Variants in NKX2-2 observed in about 807,000 individuals in gnomAD.
NKX2-2 encodes NK2 homeobox 2.
Under a neutral mutation model 24.6 loss-of-function variants are expected in NKX2-2, and 8 were observed. The observed-to-expected ratio is 0.32, with a 90% CI of 0.19 to 0.59. NKX2-2 has a LOEUF of 0.59. NKX2-2 is among the 20% of genes least tolerant of loss of function. The pLI is 0.86. For missense variants in NKX2-2, 381 were observed against 373.9 expected (o/e 1.02, Z -0.16); for synonymous variants, 217 against 173.3 (o/e 1.25, Z -1.98).
rs1422842492 is a variant in NKX2-2 at position 21,512,360 on chromosome 20, G to T, written c.385C>A (p.Arg129=). The T allele has an allele frequency of 6.2e-6, 10 of 1,608,796 alleles. No homozygotes were observed. The Admixed American group carries it at 6.8e-5, about 11-fold the overall frequency. Reference sequence around the variant, plus strand: ...TTGGAGAAAAGCACTCGCCGCTTTCGCTTCTTGCCGGCGTCCCCCCCGCCG... The same window carrying T: ...TTGGAGAAAAGCACTCGCCGCTTTCTCTTCTTGCCGGCGTCCCCCCCGCCG... ...PGGGGDAGKK[R]KRRVLFSKAQ... Residue 129 remains arginine (R), a synonymous_variant, in exon 2 of 2, where the codon CGA becomes AGA. Transcript: ENST00000377142.
chr20:21,515,103 T>C (rs1485921290), upstream of NKX2-2, among the ~76,000 whole-genome samples: 3 of 152,106 alleles, frequency 2.0e-5, no homozygotes, highest in South Asian at 2.1e-4. Flanking sequence ...GGTCGGACCC[T>C]GGCCCTGCTG....
chr20:21,513,524 C>G lies in NKX2-2; in HGVS notation c.146G>C (p.Gly49Ala), dbSNP rs775533875. 1.9e-6 allele frequency: 3 copies of G among 1,613,132 alleles called. No individual in the cohort carries two copies. Residue 49 changes from glycine (G) to alanine (A), a missense_variant, in exon 1 of 2, where the codon GGG (glycine) becomes GCG (alanine). By Grantham distance (60) the Gly-to-Ala change is moderately conservative (BLOSUM62 0). Transcript: ENST00000377142. The surrounding 1 kb of genome is among the most constrained non-coding windows in gnomAD (Gnocchi z 4.6). ...PEPAKRAGPL[G>A]QGALDAVQSL... ...CTGCACCGCGTCCAGGGCGCCCTGCCCCAGCGGCCCGGCCCTCTTGGCTGG... is the reference window on the plus strand; with the variant it reads ...CTGCACCGCGTCCAGGGCGCCCTGCGCCAGCGGCCCGGCCCTCTTGGCTGG...
At chr20:21,512,753 G>A (rs1206019472) in intron 1 of NKX2-2, among the ~76,000 whole-genome samples, 1 of 152,172 alleles carries the variant, frequency 6.6e-6, no homozygotes, top group African/African-American at 2.4e-5. Context: ...ATTTGGGGGG[G>A]GAAGTGGCAC....
At chr20:21,516,000 C>T (rs1178439110), upstream of NKX2-2, among the ~76,000 whole-genome samples, 1 of 152,218 alleles carries the variant, frequency 6.6e-6, no homozygotes, top group African/African-American at 2.4e-5. Context: ...CAAATACAAA[C>T]CGATTGCTAA....
upstream of NKX2-2, among the ~76,000 whole-genome samples, chr20:21,514,934 A>G (rs1316141993): frequency 6.6e-6 from 1 of 152,196 alleles, no homozygotes; most frequent in African/African-American, 2.4e-5. Context: ...TATTTGCTAA[A>G]GACTCATTTA....
chr20:21,518,893 C>T (rs75244938), upstream of NKX2-2, among the ~76,000 whole-genome samples: 5,232 of 152,320 alleles, frequency 0.034, 299 homozygotes, highest in African/African-American at 0.12. Flanking sequence ...TCCCCCCATC[C>T]CTGTTCTGGG....
chr20:21,512,268 T>C lies in NKX2-2; in HGVS notation c.477A>G (p.Glu159=). The change falls in exon 2 of 2, where the codon GAA becomes GAG. Residue 159 remains glutamate (E), a synonymous_variant. Transcript: ENST00000377142. ...TGAGGCGGATGAGGCTGGCCAGGTG[T>C]TCGCGCTCGGGCGCCGACAGGTACC... The part of the protein sequence containing the change: ...QQRYLSAPER[E]HLASLIRLTP... 6.2e-7 allele frequency: 1 copy of C among 1,613,826 alleles called. No homozygotes were observed. Among genetic ancestry groups the C allele is most frequent in the African/African-American group, 1.3e-5 (1 of 75,050 alleles).
In NKX2-2 at chr20:21,512,034, G is replaced by A. The variant is rs555517710; in HGVS notation, c.711C>T (p.Tyr237=). 2 of 1,613,726 alleles carry A rather than the reference G, an allele frequency of 1.2e-6. No individual in the cohort carries two copies. Among genetic ancestry groups the A allele is most frequent in the African/African-American group, 1.3e-5 (1 of 75,064 alleles). ...TFQAGIPFSA[Y]SAQSLQHMQY... The stretch of plus-strand genomic sequence containing the variant: ...GCATGTGCTGCAGCGACTGCGCGCT[G>A]TAGGCAGAAAAGGGAATGCCCGCCT... The change falls in exon 2 of 2, where the codon TAC becomes TAT. Residue 237 remains tyrosine, a synonymous_variant. Transcript: ENST00000377142.
chr20:21,516,098 G>T (rs1312166462), upstream of NKX2-2, among the ~76,000 whole-genome samples: 4 of 152,208 alleles, frequency 2.6e-5, no homozygotes, highest in Non-Finnish European at 5.9e-5. Flanking sequence ...TATTTCAGTG[G>T]CGAAATAATA....
At chr20:21,515,346 C>G (rs1980605245), upstream of NKX2-2, among the ~76,000 whole-genome samples, 1 of 152,034 alleles carries the variant, frequency 6.6e-6, no homozygotes, top group South Asian at 2.1e-4. Flanking sequence ...CTGGGTGGCC[C>G]GACGATGCCT....
At chr20:21,520,279 C>A in the NKX2-2 span, among the ~76,000 whole-genome samples, 1 of 151,954 alleles carries the variant, frequency 6.6e-6, no homozygotes, top group Non-Finnish European at 1.5e-5. Context: ...ACTGTGGATG[C>A]AGGAGGAAGG....
At chr20:21,520,216 G>A in the NKX2-2 span, among the ~76,000 whole-genome samples, 1 of 151,962 alleles carries the variant, frequency 6.6e-6, no homozygotes, top group Non-Finnish European at 1.5e-5. Context: ...CCCCATTGAT[G>A]CCACGGAGAG....
chr20:21,515,634 T>C (rs566724737), upstream of NKX2-2, among the ~76,000 whole-genome samples: 4 of 149,760 alleles, frequency 2.7e-5, no homozygotes, highest in Non-Finnish European at 5.9e-5. Context: ...GGCTACCTGA[T>C]GCTCGTTCGC....
In NKX2-2 at chr20:21,511,924, C is replaced by T. The variant is rs764807208; in HGVS notation, c.821G>A (p.Ter274=). The change falls in exon 2 of 2, where the codon TGA becomes TAA. Residue 274 remains the stop codon, a stop_retained_variant. Transcript: ENST00000377142. The part of the protein sequence containing the change: ...PLVQAQQWTW[*] Reference sequence around the variant, plus strand: ...CCGCGAGTCTCGTTGGGGCGGCGCTCACCAAGTCCACTGCTGGGCCTGGAC... The same window carrying T: ...CCGCGAGTCTCGTTGGGGCGGCGCTTACCAAGTCCACTGCTGGGCCTGGAC... The T allele has an allele frequency of 6.3e-7, 1 of 1,578,190 alleles. No homozygotes were observed. Among genetic ancestry groups the T allele is most frequent in the East Asian group, 2.3e-5 (1 of 44,382 alleles).
At chr20:21,519,202 C>A in the NKX2-2 span, among the ~76,000 whole-genome samples, 1 of 152,318 alleles carries the variant, frequency 6.6e-6, no homozygotes, top group East Asian at 1.9e-4. Flanking sequence ...CATTTCATTT[C>A]TTCGTCTTTT....
the NKX2-2 span, among the ~76,000 whole-genome samples, chr20:21,520,282 G>A: frequency 1.7e-3 from 254 of 152,078 alleles, 1 homozygote; most frequent in Non-Finnish European, 2.4e-3. Context: ...GTGGATGCAG[G>A]AGGAAGGCAT....
In NKX2-2 at chr20:21,513,860, A is replaced by G. The variant is rs1209890144; in HGVS notation, c.-191T>C. 5 of 461,460 alleles carry G rather than the reference A, an allele frequency of 1.1e-5. No homozygotes were observed. Among genetic ancestry groups the G allele is most frequent in the African/African-American group, 4.1e-5 (2 of 48,684 alleles). The allele number at this position is 461,460 out of a possible 1,614,324, so 28.6% of individuals were successfully genotyped here. Reference sequence around the variant, plus strand: ...GAGAAAGAAACTGGGGATGGGGAGGAAAAAAATGAAGCCCAACCCAGTGCC... The same window carrying G: ...GAGAAAGAAACTGGGGATGGGGAGGGAAAAAATGAAGCCCAACCCAGTGCC... On this transcript the variant is annotated 5_prime_UTR_variant, in exon 1 of 2. Coordinates refer to ENST00000377142, the MANE Select transcript of NKX2-2 (RefSeq NM_002509.4). The surrounding 1 kb of genome is among the most constrained non-coding windows in gnomAD (Gnocchi z 4.6).
In NKX2-2 at chr20:21,511,600, T is replaced by G; in HGVS notation, c.*323A>C. 4.1e-6 allele frequency: 1 copy of G among 240,968 alleles called. No homozygotes were observed. The highest frequency in any genetic ancestry group is 7.9e-6 in the Non-Finnish European group (1 of 126,972). 14.9% of individuals were successfully genotyped at this position (240,968 alleles called of 1,614,324 possible). A position where few individuals can be genotyped will look rare whatever the true frequency, so the allele number is the denominator to read the frequency against. ...TTTTTCTCGTTTTCAAGTGACGACA[T>G]TAACGCTGGGACGGTTTGGTCCCCC... On this transcript the variant is annotated 3_prime_UTR_variant, in exon 2 of 2. Coordinates refer to ENST00000377142, the MANE Select transcript of NKX2-2 (RefSeq NM_002509.4).
At chr20:21,515,597 T>TGG (rs34811915), upstream of NKX2-2, among the ~76,000 whole-genome samples, 1,320 of 111,328 alleles carry the variant, frequency 0.012, 15 homozygotes, top group African/African-American at 0.04. Flanking sequence ...AAAACTTTTT[T>TGG]GGGGGGGGGG....
Sources: allele counts gnomAD v4.1 joint callset (sites outside exome capture counted in the v4.1 genomes callset), GRCh38; gene constraint gnomAD v4.1.1; non-coding constraint Gnocchi (gnomAD v3.1); transcripts MANE v1.5; gene names NCBI Gene and HGNC (gene_info 2026-07-23, HGNC 2026-07-21).